Variants in TMTC2 observed in about 807,000 individuals in gnomAD.
The protein encoded by TMTC2 is transmembrane O-mannosyltransferase targeting cadherins 2.
In TMTC2, 43 loss-of-function variants were observed where a neutral mutation model predicts 82.4. The ratio of observed to expected loss-of-function variants is 0.52; its 90% CI spans 0.41 to 0.67. TMTC2 has a LOEUF of 0.67. Among genes scored for constraint, TMTC2 ranks in the 30% least tolerant of loss-of-function variants. TMTC2 has a pLI of 0.00. For synonymous variants in TMTC2, 408 were observed against 381.9 expected (o/e 1.07, Z -0.80); for missense variants, 919 against 1,012.4 (o/e 0.91, Z 1.25).
chr12:83,037,815 T>C (rs1048796134), intron 9 of TMTC2, among the ~76,000 whole-genome samples: 1 of 151,736 alleles, frequency 6.6e-6, no homozygotes, highest in African/African-American at 2.4e-5. Context: ...TAAGGAAAAA[T>C]TAAAGCACTA....
At chr12:82,831,949 A>G (rs1869770843) in intron 1 of TMTC2, among the ~76,000 whole-genome samples, 1 of 152,230 alleles carries the variant, frequency 6.6e-6, no homozygotes, top group Non-Finnish European at 1.5e-5. Flanking sequence ...TGAGTAGTAT[A>G]GAAGTCTTCT....
Position 82,899,483 on chromosome 12 carries a change from C to T in TMTC2, c.1483+2837C>T, listed in dbSNP as rs904199583. Among the ~76,000 whole-genome samples the T allele has an allele frequency of 2.6e-4, 39 of 149,732 alleles. No homozygotes were observed. In the South Asian group the frequency reaches 7.1e-3, roughly 27 times the overall value. ...ACCACCATCACTGTTGGCATCATGG[C>T]CTGGGTGACCACCATCTTTTATCTG... On this transcript the variant is annotated intron_variant, in intron 3 of 11. Coordinates refer to ENST00000321196, the MANE Select transcript of TMTC2 (RefSeq NM_152588.3).
intron 7 of TMTC2, 94 bp downstream of exon 7, chr12:82,967,091 A>T: frequency 3.3e-6 from 3 of 919,270 alleles, no homozygotes. Context: ...CTAATAAATC[A>T]TATTAATCCT....
intron 2 of TMTC2, among the ~76,000 whole-genome samples, chr12:82,875,513 G>A (rs1431351956): frequency 3.9e-5 from 6 of 152,058 alleles, no homozygotes; most frequent in Admixed American, 3.9e-4. Context: ...AGCTCATTGA[G>A]CAAGTATCTT....
chr12:83,122,577 A>C (rs1884987515), intron 11 of TMTC2, among the ~76,000 whole-genome samples: 1 of 152,068 alleles, frequency 6.6e-6, no homozygotes, highest in South Asian at 2.1e-4. Flanking sequence ...CTTCTCCCGT[A>C]ATCAAGATTT....
chr12:82,761,027 T>C (rs1156941405), intron 1 of TMTC2: 1 of 155,448 alleles, frequency 6.4e-6, no homozygotes, highest in African/African-American at 2.4e-5. Flanking sequence ...CCTGAAACCA[T>C]CCCGTGCTCC....
intron 1 of TMTC2, among the ~76,000 whole-genome samples, chr12:82,815,806 T>C (rs1868679367): frequency 6.6e-6 from 1 of 152,112 alleles, no homozygotes. Context: ...ATCTGAAAGA[T>C]AACACTGTCC....
At chr12:82,708,216 A>G (rs1873461527) in intron 1 of TMTC2, among the ~76,000 whole-genome samples, 1 of 152,210 alleles carries the variant, frequency 6.6e-6, no homozygotes, top group African/African-American at 2.4e-5. Flanking sequence ...CCTGATCTAA[A>G]TGGAAACACA....
chr12:82,762,242 C>T (rs530312876), intron 1 of TMTC2, among the ~76,000 whole-genome samples: 2 of 152,148 alleles, frequency 1.3e-5, no homozygotes, highest in Non-Finnish European at 2.9e-5. Flanking sequence ...GCTGGGATTA[C>T]AGGTGTGAGC....
At chr12:82,808,025 T>A (rs76846192) in intron 1 of TMTC2, among the ~76,000 whole-genome samples, 7,785 of 151,970 alleles carry the variant, frequency 0.051, 257 homozygotes, top group Middle Eastern at 0.14. Context: ...TTTAATTGGA[T>A]GCAGAAATTG....
intron 4 of TMTC2, among the ~76,000 whole-genome samples, chr12:82,958,079 C>T (rs1008982984): frequency 6.6e-6 from 1 of 151,962 alleles, no homozygotes; most frequent in African/African-American, 2.4e-5. Context: ...GGAAGAAAAC[C>T]AGGCTGGGCA....
intron 8 of TMTC2, among the ~76,000 whole-genome samples, chr12:82,996,227 G>A (rs1879609666): frequency 6.6e-6 from 1 of 152,150 alleles, no homozygotes; most frequent in Non-Finnish European, 1.5e-5. Context: ...TAATTTGAAT[G>A]TGATGTATAT....
At chr12:82,711,023 T>C (rs547294050) in intron 1 of TMTC2, among the ~76,000 whole-genome samples, 1 of 152,352 alleles carries the variant, frequency 6.6e-6, no homozygotes, top group East Asian at 1.9e-4. Flanking sequence ...GACATCCAAG[T>C]TCATGAATCT....
intron 1 of TMTC2, among the ~76,000 whole-genome samples, chr12:82,811,512 A>C (rs1868389822): frequency 6.6e-6 from 1 of 152,076 alleles, no homozygotes; most frequent in African/African-American, 2.4e-5. Flanking sequence ...GTGTTGTCAC[A>C]GAAAGAAATG....
At chr12:82,845,244 AAAAAAAAAATAT>A (rs1870582498) in intron 1 of TMTC2, among the ~76,000 whole-genome samples, 1 of 127,954 alleles carries the variant, frequency 7.8e-6, no homozygotes, top group African/African-American at 3.3e-5. Flanking sequence ...AAAAAAAAAA[AAAAAAAAAATAT>A]ATATATATAT....
chr12:82,930,523 A>G lies in TMTC2; in HGVS notation c.1576A>G (p.Met526Val). 6.3e-7 allele frequency: 1 copy of G among 1,591,198 alleles called. No homozygotes were observed. Among genetic ancestry groups the G allele is most frequent in the Non-Finnish European group, 8.6e-7 (1 of 1,163,580 alleles). The change falls in exon 4 of 12, where the codon ATG (methionine) becomes GTG (valine). Residue 526 changes from methionine (M) to valine (V), a missense_variant. Coordinates refer to ENST00000321196, the MANE Select transcript of TMTC2 (RefSeq NM_152588.3). ...YRNALYYRSNMADMLYNLGLL... is the reference protein window; with the variant it reads ...YRNALYYRSNVADMLYNLGLL... ...AAATGCTTTGTACTACCGCAGCAAC[A>G]TGGCTGACATGCTTTATAATTTGTG...
chr12:82,740,305 G>A (rs1204441919), intron 1 of TMTC2, among the ~76,000 whole-genome samples: 2 of 152,202 alleles, frequency 1.3e-5, no homozygotes, highest in African/African-American at 2.4e-5. Context: ...TTATTGAACA[G>A]CTACTATGTA....
intron 1 of TMTC2, among the ~76,000 whole-genome samples, chr12:82,796,713 G>A (rs1001864392): frequency 1.3e-5 from 2 of 152,064 alleles, no homozygotes; most frequent in Non-Finnish European, 2.9e-5. Context: ...GCCCGAGCCT[G>A]TTTCTTCTCA....
intron 9 of TMTC2, among the ~76,000 whole-genome samples, chr12:83,033,931 G>C (rs1222016077): frequency 2.0e-5 from 3 of 149,796 alleles, no homozygotes; most frequent in African/African-American, 7.4e-5. Context: ...TGGGGTTTTT[G>C]TGGTTTTATT....
Sources: gnomAD v4.1 joint callset for allele counts (sites outside exome capture counted in the v4.1 genomes callset) on GRCh38, gnomAD v4.1.1 for gene constraint, MANE v1.5 for transcripts, NCBI Gene and HGNC (gene_info 2026-07-23, HGNC 2026-07-21) for gene names.